TMTC2: variants seen among roughly 807,000 people sequenced by gnomAD.
The protein encoded by TMTC2 is transmembrane O-mannosyltransferase targeting cadherins 2.
A neutral mutation model predicts 82.4 loss-of-function variants in TMTC2; 43 were observed. The observed-to-expected ratio is 0.52, with a 90% CI of 0.41 to 0.67. TMTC2 has a LOEUF of 0.67. Among genes scored for constraint, TMTC2 ranks in the 30% least tolerant of loss-of-function variants. The probability of loss-of-function intolerance (pLI) is 0.00; values close to 1 mark genes in which losing one functional copy is unlikely to be tolerated. For missense variants in TMTC2, 919 were observed against 1,012.4 expected, an observed-to-expected ratio of 0.91 and a Z score of 1.25; for synonymous variants, 408 against 381.9, an observed-to-expected ratio of 1.07 and a Z score of -0.80.
At chr12:82,929,222 T>G (rs1875890989) in intron 3 of TMTC2, among the ~76,000 whole-genome samples, 1 of 151,952 alleles carries the variant, frequency 6.6e-6, no homozygotes, top group African/African-American at 2.4e-5. Context: ...CAAGCTAATT[T>G]TTGTATTTTT....
At chr12:82,798,765 C>T (rs1878852764) in intron 1 of TMTC2, among the ~76,000 whole-genome samples, 1 of 147,414 alleles carries the variant, frequency 6.8e-6, no homozygotes, top group Non-Finnish European at 1.5e-5. Context: ...TGAGATCACA[C>T]CACTGCACTC....
intron 4 of TMTC2, among the ~76,000 whole-genome samples, chr12:82,946,826 C>T (rs1877026202): frequency 6.6e-6 from 1 of 150,718 alleles, no homozygotes; most frequent in Admixed American, 6.6e-5. Context: ...ACTGCAAGCT[C>T]CACCTCCCGG....
At chr12:82,880,044 G>A (rs1298439545) in intron 2 of TMTC2, among the ~76,000 whole-genome samples, 1 of 152,118 alleles carries the variant, frequency 6.6e-6, no homozygotes, top group Non-Finnish European at 1.5e-5. Context: ...AAATATAACG[G>A]AACTTAATAT....
rs541325072 is a variant in TMTC2, at chr12:83,038,293, T to A, written c.2152+7414T>A. On this transcript the variant is annotated intron_variant, in intron 9 of 11. Coordinates refer to ENST00000321196, the MANE Select transcript of TMTC2 (RefSeq NM_152588.3). ...CCTAAAACTTAAAGTATAATAAAAATATATATATATACTCAAAAAAAAAGT... is the reference window on the plus strand; with the variant it reads ...CCTAAAACTTAAAGTATAATAAAAAAATATATATATACTCAAAAAAAAAGT... 2.8e-4 allele frequency among the ~76,000 whole-genome samples: 42 copies of A among 151,776 alleles called. 1 individual carries two copies. In the South Asian group the frequency reaches 7.7e-3, roughly 28 times the overall value.
intron 9 of TMTC2, among the ~76,000 whole-genome samples, chr12:83,038,988 G>T (rs1881784470): frequency 1.4e-5 from 2 of 138,674 alleles, no homozygotes; most frequent in African/African-American, 2.8e-5. Context: ...CTGGAGTGCA[G>T]TGGCGCGATC....
intron 1 of TMTC2, among the ~76,000 whole-genome samples, chr12:82,695,101 T>C (rs1872728016): frequency 6.6e-6 from 1 of 152,194 alleles, no homozygotes; most frequent in Non-Finnish European, 1.5e-5. Context: ...TTTTGAACAG[T>C]GTTAAATGAT....
chr12:82,993,681 C>T (rs963586240), intron 8 of TMTC2, among the ~76,000 whole-genome samples: 11 of 152,090 alleles, frequency 7.2e-5, no homozygotes, highest in African/African-American at 1.9e-4. Context: ...GAGGGCTGGC[C>T]GCTCTAACCC....
chr12:83,089,981 C>T (rs1234713160), intron 11 of TMTC2, among the ~76,000 whole-genome samples: 2 of 152,114 alleles, frequency 1.3e-5, no homozygotes, highest in African/African-American at 4.8e-5. Flanking sequence ...CAACTTGAGT[C>T]GTTACAGCAG....
intron 1 of TMTC2, among the ~76,000 whole-genome samples, chr12:82,720,197 G>A (rs902088849): frequency 1.3e-5 from 2 of 152,076 alleles, no homozygotes; most frequent in Non-Finnish European, 2.9e-5. Context: ...AAGAAACCCT[G>A]TATCTTTTAG....
chr12:83,118,866 T>G (rs1451006049), intron 11 of TMTC2, among the ~76,000 whole-genome samples: 1 of 152,184 alleles, frequency 6.6e-6, no homozygotes, highest in Non-Finnish European at 1.5e-5. Context: ...TGTCTAATTC[T>G]TCCTGATTTA....
intron 7 of TMTC2, among the ~76,000 whole-genome samples, chr12:82,984,339 A>G (rs748576463): frequency 1.3e-5 from 2 of 152,148 alleles, no homozygotes; most frequent in African/African-American, 4.8e-5. Flanking sequence ...TATGCATACT[A>G]TGTATTATTT....
At chr12:82,943,891 A>C (rs1027250787) in intron 4 of TMTC2, among the ~76,000 whole-genome samples, 1 of 152,212 alleles carries the variant, frequency 6.6e-6, no homozygotes, top group Admixed American at 6.5e-5. Flanking sequence ...GTAAAAATAG[A>C]ATGTTATGTA....
intron 7 of TMTC2, among the ~76,000 whole-genome samples, chr12:82,974,737 C>G (rs1230974693): frequency 6.6e-6 from 1 of 152,166 alleles, no homozygotes; most frequent in African/African-American, 2.4e-5. Context: ...TCATCTATTT[C>G]ATGCATAGGT....
At chr12:82,952,712 A>G (rs1038692224) in intron 4 of TMTC2, among the ~76,000 whole-genome samples, 1 of 151,846 alleles carries the variant, frequency 6.6e-6, no homozygotes, top group African/African-American at 2.4e-5. Context: ...TGCCCTGCTA[A>G]TTTTTGTGTG....
chr12:82,972,423 A>G (rs1878491380), intron 7 of TMTC2, among the ~76,000 whole-genome samples: 1 of 152,176 alleles, frequency 6.6e-6, no homozygotes, highest in South Asian at 2.1e-4. Context: ...CATATCTTCA[A>G]TAAAGAGGAA....
chr12:83,067,025 G>A (rs1278255900), intron 11 of TMTC2, among the ~76,000 whole-genome samples: 1 of 151,892 alleles, frequency 6.6e-6, no homozygotes, highest in Non-Finnish European at 1.5e-5. Context: ...CAACAATGGA[G>A]GGAATATACA....
intron 2 of TMTC2, among the ~76,000 whole-genome samples, chr12:82,891,057 C>T (rs546902972): frequency 1.3e-5 from 2 of 152,240 alleles, no homozygotes; most frequent in East Asian, 3.9e-4. Context: ...GTTTGTTACA[C>T]CAAACTGCGG....
intron 10 of TMTC2, among the ~76,000 whole-genome samples, chr12:83,054,645 TA>T (rs1205547783): frequency 6.6e-6 from 1 of 150,890 alleles, no homozygotes; most frequent in Non-Finnish European, 1.5e-5. Flanking sequence ...TATTTATGTA[TA>T]AATATGCATA....
chr12:83,016,280 GAA>G (rs1311528396), intron 8 of TMTC2, among the ~76,000 whole-genome samples: 1 of 152,136 alleles, frequency 6.6e-6, no homozygotes, highest in Non-Finnish European at 1.5e-5. Context: ...CTTCTAAAGA[GAA>G]ATTTTAAGCC....
Sources: gnomAD v4.1 joint callset for allele counts (sites outside exome capture counted in the v4.1 genomes callset) on GRCh38, gnomAD v4.1.1 for gene constraint, MANE v1.5 for transcripts, NCBI Gene and HGNC (gene_info 2026-07-23, HGNC 2026-07-21) for gene names.